TXNRD3: variants seen among roughly 807,000 people sequenced by gnomAD.
The protein encoded by TXNRD3 is TXNRD3 neighbor gene protein.
In TXNRD3, 68 loss-of-function variants were observed where a neutral mutation model predicts 78.2. That is an observed-to-expected ratio of 0.87 (90% CI 0.72 to 1.06). TXNRD3 has a LOEUF of 1.06. Among genes scored for constraint, TXNRD3 ranks in the 50% least tolerant of loss-of-function variants. TXNRD3 has a pLI of 0.00. For synonymous variants in TXNRD3, 296 were observed against 300.1 expected, an observed-to-expected ratio of 0.99 and a Z score of 0.14; for missense variants, 751 against 809.5, an observed-to-expected ratio of 0.93 and a Z score of 0.88.
rs924692581 is a variant in TXNRD3 at position 126,649,801 on chromosome 3, A to T, written c.244-2505T>A. ...TGAGGTACCTAAAGCAGTCATATTCATAGAGACAGAAAGTCAGACGGTGGT... is the reference window on the plus strand; with the variant it reads ...TGAGGTACCTAAAGCAGTCATATTCTTAGAGACAGAAAGTCAGACGGTGGT... On this transcript the variant is annotated intron_variant, in intron 1 of 15. Coordinates refer to ENST00000524230, the MANE Select transcript of TXNRD3 (RefSeq NM_052883.3). 2.0e-5 allele frequency among the ~76,000 whole-genome samples: 3 copies of T among 152,234 alleles called. No individual in the cohort carries two copies. In the East Asian group the frequency reaches 5.8e-4, roughly 29 times the overall value.
chr3:126,654,841 C>A lies in TXNRD3; in HGVS notation c.150G>T (p.Glu50Asp). 7.3e-7 allele frequency: 1 copy of A among 1,372,388 alleles called. No individual in the cohort carries two copies. 85.0% of individuals were successfully genotyped at this position (1,372,388 alleles called of 1,614,324 possible). ...GGTGGCGGCGCAGCTCCTCGCGGGC[C>A]TCGGACGAGCGGCTGGGCCCGGGGG... The change falls in exon 1 of 16, where the codon GAG (glutamate) becomes GAT (aspartate). Residue 50 changes from glutamate (E) to aspartate (D), a missense_variant. Transcript: ENST00000524230.
rs935603521 is a variant in TXNRD3, at chr3:126,637,297, A to G, written c.713-3246T>C. ...CTTCTTTTCTAATGTCTGATGCTGC[A>G]TATCTGTATGAGTTTCCCCCCTTAT... On this transcript the variant is annotated intron_variant, in intron 6 of 15. Coordinates refer to ENST00000524230, the MANE Select transcript of TXNRD3 (RefSeq NM_052883.3). Among the ~76,000 whole-genome samples, 22 of 152,254 alleles carry G rather than the reference A, an allele frequency of 1.4e-4. 1 individual carries two copies. The South Asian group carries it at 2.1e-3, about 14-fold the overall frequency.
At chr3:126,609,789 T>C (rs1289393207) in intron 14 of TXNRD3, among the ~76,000 whole-genome samples, 1 of 152,128 alleles carries the variant, frequency 6.6e-6, no homozygotes, top group African/African-American at 2.4e-5. Flanking sequence ...CACACCCTCA[T>C]GAGGAGGTCA....
chr3:126,637,353 T>A (rs1487815118), intron 6 of TXNRD3, among the ~76,000 whole-genome samples: 1 of 152,220 alleles, frequency 6.6e-6, no homozygotes, highest in Non-Finnish European at 1.5e-5. Context: ...AACATTTGCC[T>A]ATTTTATTTG....
chr3:126,611,017 C>A lies in TXNRD3; in HGVS notation c.1728+20G>T. 7.5e-7 allele frequency: 1 copy of A among 1,330,472 alleles called. No homozygotes were observed. Among genetic ancestry groups the A allele is most frequent in the Admixed American group, 2.8e-5 (1 of 35,570 alleles). The allele number at this position is 1,330,472 out of a possible 1,614,324, so 82.4% of individuals were successfully genotyped here. On this transcript the variant is annotated intron_variant, in intron 14 of 15. Transcript: ENST00000524230. ...ACATTTAAAAATCACAGCATTTTGG[C>A]TTCTAGTGGTATTACATACATGGTC...
chr3:126,612,925 C>T (rs1938231490), intron 13 of TXNRD3, among the ~76,000 whole-genome samples: 1 of 152,192 alleles, frequency 6.6e-6, no homozygotes, highest in Non-Finnish European at 1.5e-5. Flanking sequence ...TTCTTACGAG[C>T]ATTTGAATCC....
At chr3:126,622,655 C>T in intron 10 of TXNRD3, 115 bp from the exon 11 acceptor site, 2 of 752,184 alleles carry the variant, frequency 2.7e-6, no homozygotes, top group East Asian at 2.8e-5. Flanking sequence ...TACAAACAAT[C>T]TATGCCAATA....
intron 3 of TXNRD3, among the ~76,000 whole-genome samples, chr3:126,645,421 G>A (rs1933202625): frequency 6.6e-6 from 1 of 152,128 alleles, no homozygotes; most frequent in South Asian, 2.1e-4. Flanking sequence ...TAAATTCTAG[G>A]ACTAATAAAG....
chr3:126,628,618 A>G (rs909178896), intron 10 of TXNRD3, among the ~76,000 whole-genome samples: 1 of 152,140 alleles, frequency 6.6e-6, no homozygotes, highest in African/African-American at 2.4e-5. Flanking sequence ...TCTAACAGAT[A>G]TTCTTGATCT....
chr3:126,607,849 A>T lies in TXNRD3; in HGVS notation c.*56T>A. The T allele has an allele frequency of 1.4e-6, 2 of 1,411,110 alleles. No homozygotes were observed. Among genetic ancestry groups the T allele is most frequent in the Non-Finnish European group, 9.6e-7 (1 of 1,045,544 alleles). The allele number at this position is 1,411,110 out of a possible 1,614,324, so 87.4% of individuals were successfully genotyped here. A position where few individuals can be genotyped will look rare whatever the true frequency, so the allele number is the denominator to read the frequency against. On this transcript the variant is annotated 3_prime_UTR_variant, in exon 16 of 16. Transcript: ENST00000524230. ...GCACAGGCTCATTTTATCCGAGAGC[A>T]TTCTTATCTTTGAGAGAAATGAGAA...
Position 126,644,354 on chromosome 3 carries a change from T to C in TXNRD3, c.462A>G (p.Ala154=), listed in dbSNP as rs1003433275. 2.0e-6 allele frequency: 3 copies of C among 1,536,330 alleles called. No homozygotes were observed. Among genetic ancestry groups the C allele is most frequent in the East Asian group, 2.4e-5 (1 of 40,926 alleles). The change falls in exon 4 of 16, where the codon GCA becomes GCG. Residue 154 remains alanine, a synonymous_variant. Coordinates refer to ENST00000524230, the MANE Select transcript of TXNRD3 (RefSeq NM_052883.3). ...CGATGATGATGAGATCATAATCATATGCCAAATCTTCCTGAAGGAGCTTCT... is the reference window on the plus strand; with the variant it reads ...CGATGATGATGAGATCATAATCATACGCCAAATCTTCCTGAAGGAGCTTCT...
At chr3:126,625,545 A>G (rs1232798779) in intron 10 of TXNRD3, among the ~76,000 whole-genome samples, 2 of 151,786 alleles carry the variant, frequency 1.3e-5, no homozygotes, top group Non-Finnish European at 2.9e-5. Flanking sequence ...TTCTTAATCC[A>G]GTCTATCATT....
At chr3:126,626,924 G>A (rs1256153498) in intron 10 of TXNRD3, among the ~76,000 whole-genome samples, 3 of 151,020 alleles carry the variant, frequency 2.0e-5, no homozygotes, top group Admixed American at 1.3e-4. Context: ...GACCCCAACC[G>A]TAAAAAAAAA....
At chr3:126,654,639 C>G (rs1198933081) in intron 1 of TXNRD3, 109 bp downstream of exon 1, 2 of 592,870 alleles carry the variant, frequency 3.4e-6, no homozygotes, top group Admixed American at 9.9e-5. Flanking sequence ...GACCTCACCG[C>G]CGCAGCCCGG....
At position 126,611,100 on chromosome 3, in the gene TXNRD3, C is replaced by T. The variant is rs1938190030; in HGVS notation, c.1665G>A (p.Trp555Ter). Residue 555 changes from tryptophan (W) to a stop codon, truncating the protein, a stop_gained, in exon 14 of 16, where the codon TGG (tryptophan) becomes TGA (stop). Transcript: ENST00000524230. LOFTEE classifies it high-confidence loss of function. ...TGTTGTTCTCTCTGCCAGCTACTGT[C>T]CATTCAAGAGGCCAGAACAAAGTAT... 7.9e-6 allele frequency: 12 copies of T among 1,526,884 alleles called. No homozygotes were observed. The highest frequency in any genetic ancestry group is 1.1e-5 in the Non-Finnish European group (12 of 1,142,124). The allele number at this position is 1,526,884 out of a possible 1,614,324, so 94.6% of individuals were successfully genotyped here. A position where few individuals can be genotyped will look rare whatever the true frequency, so the allele number is the denominator to read the frequency against.
In TXNRD3 at chr3:126,655,080, G is replaced by T. The variant is rs1431107131; in HGVS notation, c.-90C>A. On this transcript the variant is annotated 5_prime_UTR_variant, in exon 1 of 16. Coordinates refer to ENST00000524230, the MANE Select transcript of TXNRD3 (RefSeq NM_052883.3). ...GCCGGGACGGGGCCTGAGGGGCGGC[G>T]AACGCTGCCCTCGCTGGCCACTCTC... 10 of 1,295,762 alleles carry T rather than the reference G, an allele frequency of 7.7e-6. No homozygotes were observed. In the African/African-American group the frequency reaches 1.4e-4, roughly 18 times the overall value. 80.3% of individuals were successfully genotyped at this position (1,295,762 alleles called of 1,614,324 possible).
chr3:126,617,793 C>T (rs1490042832), intron 12 of TXNRD3, among the ~76,000 whole-genome samples: 1 of 152,188 alleles, frequency 6.6e-6, no homozygotes, highest in Admixed American at 6.5e-5. Flanking sequence ...AACTGTCCCT[C>T]TTTGCAGACA....
At chr3:126,643,645 T>C (rs1214302938) in intron 5 of TXNRD3, among the ~76,000 whole-genome samples, 1 of 152,214 alleles carries the variant, frequency 6.6e-6, no homozygotes, top group Non-Finnish European at 1.5e-5. Flanking sequence ...AAATCTTCCT[T>C]ATTAATGTTT....
intron 6 of TXNRD3, among the ~76,000 whole-genome samples, chr3:126,635,773 TTTATTTCAAG>T (rs771602811): frequency 7.9e-5 from 12 of 152,222 alleles, no homozygotes; most frequent in Non-Finnish European, 1.6e-4. Context: ...CCTGGTTGAA[TTTATTTCAAG>T]TTATTTTCAT....
Sources: allele counts gnomAD v4.1 joint callset (sites outside exome capture counted in the v4.1 genomes callset), GRCh38; gene constraint gnomAD v4.1.1; transcripts MANE v1.5; gene names NCBI Gene and HGNC (gene_info 2026-07-23, HGNC 2026-07-21).